Variants in CADM1 observed in about 807,000 individuals in gnomAD.
The protein encoded by CADM1 is TSLC-1.
A neutral mutation model predicts 53.1 loss-of-function variants in CADM1; 15 were observed. The observed-to-expected ratio is 0.28, with a 90% confidence interval of 0.19 to 0.44. The LOEUF is 0.44. Ranked by LOEUF, CADM1 falls within the 20% of genes least tolerant of loss-of-function variation. The pLI is 1.00. For missense variants in CADM1, 434 were observed against 611.3 expected (o/e 0.71, Z 3.06); for synonymous variants, 281 against 243.0 (o/e 1.16, Z -1.45).
chr11:115,182,164 C>T (rs546517488), intron 10 of CADM1, among the ~76,000 whole-genome samples: 5 of 152,190 alleles, frequency 3.3e-5, no homozygotes, highest in Admixed American at 6.5e-5. Context: ...TTCAGATTCC[C>T]GGCTCATTTT....
At chr11:115,289,057 T>C (rs1002626750) in intron 1 of CADM1, among the ~76,000 whole-genome samples, 1 of 152,116 alleles carries the variant, frequency 6.6e-6, no homozygotes, top group East Asian at 1.9e-4. Context: ...GCTTAAACGT[T>C]TCTGGAGATG....
chr11:115,271,684 C>T (rs1943302998), intron 1 of CADM1, among the ~76,000 whole-genome samples: 1 of 152,168 alleles, frequency 6.6e-6, no homozygotes, highest in African/African-American at 2.4e-5. Context: ...TTCCAAGAAG[C>T]ATTTATTGGA....
At chr11:115,371,258 T>G (rs1310301757) in intron 1 of CADM1, among the ~76,000 whole-genome samples, 2 of 152,078 alleles carry the variant, frequency 1.3e-5, no homozygotes, top group Non-Finnish European at 2.9e-5. Context: ...AGCATATGCA[T>G]AAAAGTAAAA....
At chr11:115,503,929 G>C (rs1306192269) in intron 1 of CADM1, among the ~76,000 whole-genome samples, 7 of 152,120 alleles carry the variant, frequency 4.6e-5, no homozygotes, top group Non-Finnish European at 2.9e-5. Context: ...GGGTCCGGAA[G>C]GGTTGAGGTT....
chr11:115,340,656 ATAT>A (rs1393233297), intron 1 of CADM1, among the ~76,000 whole-genome samples: 7 of 52,332 alleles, frequency 1.3e-4, no homozygotes, highest in African/African-American at 1.9e-4. Context: ...ATATATATAT[ATAT>A]TTTTTTTTTT....
chr11:115,350,483 T>C (rs1381533731), intron 1 of CADM1, among the ~76,000 whole-genome samples: 5 of 150,146 alleles, frequency 3.3e-5, no homozygotes, highest in African/African-American at 1.2e-4. Flanking sequence ...CCTCACTATC[T>C]GAGAGCCTAT....
chr11:115,497,030 T>C (rs1219356004), intron 1 of CADM1, among the ~76,000 whole-genome samples: 1 of 152,142 alleles, frequency 6.6e-6, no homozygotes, highest in African/African-American at 2.4e-5. Flanking sequence ...TCTTCCCACC[T>C]CCTCTAGGGA....
At chr11:115,405,264 T>C (rs1301097677) in intron 1 of CADM1, among the ~76,000 whole-genome samples, 1 of 152,208 alleles carries the variant, frequency 6.6e-6, no homozygotes, top group African/African-American at 2.4e-5. Flanking sequence ...AAATGCAGAT[T>C]AAAACAAGAA....
chr11:115,437,027 T>C (rs1395140039), intron 1 of CADM1, among the ~76,000 whole-genome samples: 5 of 152,188 alleles, frequency 3.3e-5, no homozygotes, highest in African/African-American at 1.2e-4. Context: ...ATTCTTTTTG[T>C]AAGTGAGTAA....
Position 115,504,308 on chromosome 11 carries a change from C to T in CADM1, c.87G>A (p.Leu29=). The T allele has an allele frequency of 6.4e-7, 1 of 1,562,438 alleles. No homozygotes were observed. Among genetic ancestry groups the T allele is most frequent in the Middle Eastern group, 1.7e-4 (1 of 5,974 alleles). The change falls in exon 1 of 12, where the codon CTG becomes CTA. Residue 29 remains leucine (L), a synonymous_variant. Coordinates refer to ENST00000331581, the MANE Select transcript of CADM1 (RefSeq NM_001301043.2). ...GTGCCGCGGCGGAGAAGAGCAACAG[C>T]AGAAGCCGGAGCCGGAGCCCGGGAG... ...AAPPGLRLRL[L]LLLFSAAALI...
chr11:115,384,397 A>G (rs1230929442), intron 1 of CADM1, among the ~76,000 whole-genome samples: 2 of 152,170 alleles, frequency 1.3e-5, no homozygotes, highest in East Asian at 3.8e-4. Context: ...TTAAGGGCAA[A>G]TCCATTGAGA....
chr11:115,213,282 G>A (rs1445035825), intron 7 of CADM1, among the ~76,000 whole-genome samples: 2 of 152,144 alleles, frequency 1.3e-5, no homozygotes, highest in African/African-American at 2.4e-5. Flanking sequence ...AGCTGAAAAC[G>A]GGCCATGCTG....
At chr11:115,209,552 A>C in intron 8 of CADM1, 22 bp downstream of exon 8, 4 of 1,607,286 alleles carry the variant, frequency 2.5e-6, no homozygotes, top group Non-Finnish European at 3.4e-6. Context: ...GGACATTTTC[A>C]ATGGTAATGA....
chr11:115,205,779 G>C (rs1591602523), intron 8 of CADM1, among the ~76,000 whole-genome samples: 1 of 152,108 alleles, frequency 6.6e-6, no homozygotes, highest in African/African-American at 2.4e-5. Context: ...GGAACCTCGT[G>C]GCAAATCATA....
intron 5 of CADM1, among the ~76,000 whole-genome samples, chr11:115,222,842 C>T (rs1941456845): frequency 6.6e-6 from 1 of 152,190 alleles, no homozygotes; most frequent in Non-Finnish European, 1.5e-5. Context: ...TACATACTCA[C>T]AGAATATTCT....
chr11:115,465,479 AAAG>A (rs918942566), intron 1 of CADM1, among the ~76,000 whole-genome samples: 4 of 152,168 alleles, frequency 2.6e-5, no homozygotes, highest in Non-Finnish European at 5.9e-5. Flanking sequence ...CCAGGTATTA[AAAG>A]AAGGAAATAA....
At chr11:115,349,084 C>T (rs1945658163) in intron 1 of CADM1, among the ~76,000 whole-genome samples, 1 of 152,188 alleles carries the variant, frequency 6.6e-6, no homozygotes, top group Admixed American at 6.5e-5. Flanking sequence ...TTCCTTTACG[C>T]ATCAAGGGGT....
At chr11:115,356,230 T>C (rs1281510521) in intron 1 of CADM1, among the ~76,000 whole-genome samples, 1 of 148,516 alleles carries the variant, frequency 6.7e-6, no homozygotes, top group East Asian at 1.9e-4. Flanking sequence ...TATAATTATA[T>C]GATTTTATAT....
At chr11:115,283,458 G>A (rs1465153124) in intron 1 of CADM1, among the ~76,000 whole-genome samples, 2 of 152,178 alleles carry the variant, frequency 1.3e-5, no homozygotes, top group African/African-American at 4.8e-5. Flanking sequence ...ACGCAGTGAG[G>A]GGAAGTCATC....
Sources: gnomAD v4.1 joint callset for allele counts (sites outside exome capture counted in the v4.1 genomes callset) on GRCh38, gnomAD v4.1.1 for gene constraint, MANE v1.5 for transcripts, NCBI Gene and HGNC (gene_info 2026-07-23, HGNC 2026-07-21) for gene names.